The following EXOC4 variants were observed in gnomAD, a reference collection of about 807,000 sequenced individuals.
EXOC4 encodes SEC8-like 1.
EXOC4 carries 71 observed loss-of-function variants against 107.2 expected under a neutral mutation model. That is an observed-to-expected ratio of 0.66 (90% CI 0.55 to 0.81). The LOEUF is 0.81. Among genes scored for constraint, EXOC4 ranks in the 30% least tolerant of loss-of-function variants. The pLI is 0.00. For synonymous variants in EXOC4, 456 were observed against 441.2 expected, an observed-to-expected ratio of 1.03 and a Z score of -0.42; for missense variants, 1,108 against 1,189.6, an observed-to-expected ratio of 0.93 and a Z score of 1.01.
intron 10 of EXOC4, among the ~76,000 whole-genome samples, chr7:133,642,451 C>T (rs1482504611): frequency 6.6e-6 from 1 of 152,190 alleles, no homozygotes; most frequent in East Asian, 1.9e-4. Context: ...CTTTGGGATC[C>T]AGATCAAAAA....
At chr7:133,525,517 G>A (rs563956856) in intron 9 of EXOC4, among the ~76,000 whole-genome samples, 2 of 152,238 alleles carry the variant, frequency 1.3e-5, no homozygotes, top group East Asian at 3.9e-4. Flanking sequence ...CCCATCTTAT[G>A]CCTTTCTGAA....
chr7:134,043,221 C>T (rs1795564448), intron 17 of EXOC4, among the ~76,000 whole-genome samples: 1 of 152,040 alleles, frequency 6.6e-6, no homozygotes, highest in Non-Finnish European at 1.5e-5. Context: ...AGTGCTGGGG[C>T]AAGGACTGGA....
intron 14 of EXOC4, among the ~76,000 whole-genome samples, chr7:133,969,881 G>T (rs1316002237): frequency 1.3e-5 from 2 of 152,170 alleles, no homozygotes; most frequent in Non-Finnish European, 2.9e-5. Context: ...TGGGAGATCT[G>T]CTGCTCTCTT....
intron 11 of EXOC4, among the ~76,000 whole-genome samples, chr7:133,858,016 G>T (rs1798455457): frequency 6.6e-6 from 1 of 152,014 alleles, no homozygotes; most frequent in Non-Finnish European, 1.5e-5. Flanking sequence ...TAGTGCTACA[G>T]CTCTGGCTTG....
rs186203357 is a variant in EXOC4 at position 133,587,067 on chromosome 7, C to T, written c.1418-42978C>T. Among the ~76,000 whole-genome samples the T allele has an allele frequency of 5.8e-4, 88 of 152,196 alleles. 2 individuals carry two copies. In the East Asian group the frequency reaches 0.015, roughly 26 times the overall value. ...CAGGCTGGTCTCAAACTCCTGACCT[C>T]GAGTGGTCCACCTGCCTCGGCCTCC... On this transcript the variant is annotated intron_variant, in intron 9 of 17. Transcript: ENST00000253861.
the EXOC4 span, among the ~76,000 whole-genome samples, chr7:134,095,885 AC>A: frequency 6.6e-6 from 1 of 152,170 alleles, no homozygotes. Flanking sequence ...CCTAGGAAAC[AC>A]CATTTTGGAC....
intron 9 of EXOC4, chr7:133,601,793 C>T (rs561086566): frequency 1.3e-5 from 2 of 152,370 alleles, no homozygotes; most frequent in African/African-American, 4.8e-5. Flanking sequence ...TTTGCCATTT[C>T]ACCAGGATGT....
Position 133,584,580 on chromosome 7 carries a change from T to G in EXOC4, c.1418-45465T>G, listed in dbSNP as rs1285664395. Reference sequence around the variant, plus strand: ...TTGTTTTTTACGTATTTCAGTTTTTTTTTTGTTTTTTTTTTTGAGACAGAG... The same window carrying G: ...TTGTTTTTTACGTATTTCAGTTTTTGTTTTGTTTTTTTTTTTGAGACAGAG... On this transcript the variant is annotated intron_variant, in intron 9 of 17. Transcript: ENST00000253861. Among the ~76,000 whole-genome samples, 10 of 135,662 alleles carry G rather than the reference T, an allele frequency of 7.4e-5. 1 individual carries two copies. The highest frequency in any genetic ancestry group is 2.7e-4 in the African/African-American group (10 of 36,666). 89.0% of individuals were successfully genotyped at this position (135,662 alleles called of 152,430 possible).
intron 6 of EXOC4, among the ~76,000 whole-genome samples, chr7:133,369,952 G>T (rs1181664082): frequency 6.6e-6 from 1 of 151,940 alleles, no homozygotes; most frequent in Non-Finnish European, 1.5e-5. Context: ...TTACAGGCAT[G>T]CACCATGACG....
chr7:133,699,376 A>G (rs988825601), intron 10 of EXOC4, among the ~76,000 whole-genome samples: 2 of 152,170 alleles, frequency 1.3e-5, no homozygotes, highest in African/African-American at 2.4e-5. Context: ...CAACTCGCCA[A>G]AGAGTTTATT....
At chr7:133,995,718 T>A (rs1449203788) in intron 14 of EXOC4, among the ~76,000 whole-genome samples, 1 of 152,198 alleles carries the variant, frequency 6.6e-6, no homozygotes, top group Non-Finnish European at 1.5e-5. Flanking sequence ...TCTTTTTTTT[T>A]ATGTTTGCCA....
In EXOC4 at chr7:133,774,126, T is replaced by C. The variant is rs960258069; in HGVS notation, c.1515-43199T>C. Among the ~76,000 whole-genome samples, 6 of 152,102 alleles carry C rather than the reference T, an allele frequency of 3.9e-5. No individual in the cohort carries two copies. In the East Asian group the frequency reaches 7.7e-4, roughly 20 times the overall value. ...CAAGGCCTGACCTTGTATGATTCTC[T>C]ACCCAATGAGCTAACCAGCCAGGGC... On this transcript the variant is annotated intron_variant, in intron 10 of 17. Coordinates refer to ENST00000253861, the MANE Select transcript of EXOC4 (RefSeq NM_021807.4).
At chr7:133,957,757 T>C (rs1800848524) in intron 14 of EXOC4, among the ~76,000 whole-genome samples, 1 of 152,186 alleles carries the variant, frequency 6.6e-6, no homozygotes, top group African/African-American at 2.4e-5. Flanking sequence ...TGCATCCCAG[T>C]AATATACTCA....
At chr7:133,409,886 C>T (rs976589268) in intron 7 of EXOC4, among the ~76,000 whole-genome samples, 3 of 152,164 alleles carry the variant, frequency 2.0e-5, no homozygotes, top group Non-Finnish European at 2.9e-5. Flanking sequence ...GAAAGCTCTT[C>T]TTAGCTAACA....
At chr7:134,084,228 C>T in the EXOC4 span, among the ~76,000 whole-genome samples, 1 of 152,202 alleles carries the variant, frequency 6.6e-6, no homozygotes, top group African/African-American at 2.4e-5. Context: ...GCAGTTGCTT[C>T]TAAGCCAGAC....
the EXOC4 span, among the ~76,000 whole-genome samples, chr7:134,089,761 A>C: frequency 6.6e-6 from 1 of 152,200 alleles, no homozygotes; most frequent in Admixed American, 6.6e-5. Context: ...ACTTTAGGAC[A>C]AGAATTTACC....
At chr7:133,253,428 TTCTATTACAGTCTCGGGACCCC>T in intron 1 of EXOC4, 2 of 1,262,476 alleles carry the variant, frequency 1.6e-6, no homozygotes, top group South Asian at 5.2e-5. Context: ...GGGCAGCACC[TTCTATTACAGTCTCGGGACCCC>T]AAAGCACGCT....
At chr7:133,874,553 C>A (rs974375701) in intron 11 of EXOC4, among the ~76,000 whole-genome samples, 6 of 152,174 alleles carry the variant, frequency 3.9e-5, no homozygotes, top group African/African-American at 1.4e-4. Flanking sequence ...TTACTGGAAG[C>A]CAAGCTCCCT....
At position 133,641,234 on chromosome 7, in the gene EXOC4, C is replaced by T. The variant is rs143842678; in HGVS notation, c.1514+11093C>T. 1.3e-3 allele frequency among the ~76,000 whole-genome samples: 193 copies of T among 152,098 alleles called. 1 individual carries two copies. The highest frequency in any genetic ancestry group is 4.5e-3 in the African/African-American group (185 of 41,468). ...TGATTGTAAATCACATCCTTCTGGT[C>T]CCTAACAGGCAGTCACTAAAAATGT... On this transcript the variant is annotated intron_variant, in intron 10 of 17. Coordinates refer to ENST00000253861, the MANE Select transcript of EXOC4 (RefSeq NM_021807.4).
Sources: allele counts gnomAD v4.1 joint callset (sites outside exome capture counted in the v4.1 genomes callset), GRCh38; gene constraint gnomAD v4.1.1; transcripts MANE v1.5; gene names NCBI Gene and HGNC (gene_info 2026-07-23, HGNC 2026-07-21).